Variants in MDGA2 observed in about 807,000 individuals in gnomAD.
The protein encoded by MDGA2 is MAM domain-containing glycosylphosphatidylinositol anchor protein 2.
A neutral mutation model predicts 117.8 loss-of-function variants in MDGA2; 40 were observed. That is an observed-to-expected ratio of 0.34 (90% CI 0.26 to 0.44). The LOEUF (loss-of-function observed/expected upper bound fraction) is 0.44. MDGA2 is among the 20% of genes least tolerant of loss of function. The pLI is 1.00. For synonymous variants in MDGA2, 452 were observed against 439.0 expected (o/e 1.03, Z -0.37); for missense variants, 1,123 against 1,250.6 (o/e 0.90, Z 1.54).
At chr14:46,970,191 A>G (rs908779969) in intron 8 of MDGA2, among the ~76,000 whole-genome samples, 8 of 151,960 alleles carry the variant, frequency 5.3e-5, no homozygotes, top group African/African-American at 1.9e-4. Context: ...CAGAATTAGA[A>G]AAAAACAATC....
intron 5 of MDGA2, among the ~76,000 whole-genome samples, chr14:47,121,217 A>T (rs940961202): frequency 6.6e-6 from 1 of 152,100 alleles, no homozygotes; most frequent in Non-Finnish European, 1.5e-5. Context: ...AAATATTTTT[A>T]AAAATTGTAT....
rs979661735 is a variant in MDGA2 at position 47,327,996 on chromosome 14, C to T, written c.281-26446G>A. Among the ~76,000 whole-genome samples the T allele has an allele frequency of 2.0e-5, 3 of 152,152 alleles. No individual in the cohort carries two copies. In the East Asian group the frequency reaches 5.8e-4, roughly 29 times the overall value. ...TTGCTGAATGACGTAGAGTAATGTACTCTTACACATTTTCTTTGTGTAATG... is the reference window on the plus strand; with the variant it reads ...TTGCTGAATGACGTAGAGTAATGTATTCTTACACATTTTCTTTGTGTAATG... On this transcript the variant is annotated intron_variant, in intron 1 of 16. Coordinates refer to ENST00000399232, the MANE Select transcript of MDGA2 (RefSeq NM_001113498.3).
intron 1 of MDGA2, among the ~76,000 whole-genome samples, chr14:47,335,759 T>TATATATATATATATATATATATAA (rs1555374528): frequency 6.9e-6 from 1 of 144,726 alleles, no homozygotes; most frequent in South Asian, 2.2e-4. Context: ...CATACATACA[T>TATATATATATATATATATATATAA]ACAGGATCAC....
At chr14:47,669,488 G>A (rs1898036840) in intron 1 of MDGA2, among the ~76,000 whole-genome samples, 1 of 152,118 alleles carries the variant, frequency 6.6e-6, no homozygotes, top group Non-Finnish European at 1.5e-5. Flanking sequence ...GGGAAATATA[G>A]GACATGAGCA....
intron 1 of MDGA2, among the ~76,000 whole-genome samples, chr14:47,582,615 CT>C (rs1440812408): frequency 6.6e-6 from 1 of 151,806 alleles, no homozygotes; most frequent in African/African-American, 2.4e-5. Flanking sequence ...AACATTATGG[CT>C]TCTACTTCTA....
chr14:47,481,947 G>A (rs79707782), intron 1 of MDGA2, among the ~76,000 whole-genome samples: 1 of 151,958 alleles, frequency 6.6e-6, no homozygotes, highest in East Asian at 1.9e-4. Context: ...AAAAACAGGA[G>A]GATATTGTTA....
intron 2 of MDGA2, among the ~76,000 whole-genome samples, chr14:47,294,233 C>T (rs980621370): frequency 1.3e-5 from 2 of 150,312 alleles, no homozygotes; most frequent in Non-Finnish European, 3.0e-5. Context: ...CTAGCTGGAA[C>T]TACAGGCAAA....
intron 9 of MDGA2, among the ~76,000 whole-genome samples, chr14:46,939,053 C>A (rs530672020): frequency 1.3e-5 from 2 of 152,100 alleles, no homozygotes; most frequent in African/African-American, 4.8e-5. Context: ...TTTATGGAAG[C>A]TAAAAAGGTT....
intron 14 of MDGA2, among the ~76,000 whole-genome samples, chr14:46,862,672 G>T (rs141954211): frequency 0.013 from 1,961 of 151,716 alleles, 35 homozygotes; most frequent in African/African-American, 0.045. Context: ...CATACAAATC[G>T]CATTGTTATA....
chr14:47,629,182 T>C (rs114183111), intron 1 of MDGA2, among the ~76,000 whole-genome samples: 116 of 152,346 alleles, frequency 7.6e-4, no homozygotes, highest in African/African-American at 2.5e-3. Context: ...AAAAACGGCT[T>C]ATAAATAATC....
At chr14:46,873,377 T>C in intron 14 of MDGA2, 56 bp downstream of exon 14, 3 of 1,459,710 alleles carry the variant, frequency 2.1e-6, no homozygotes, top group Non-Finnish European at 2.8e-6. Flanking sequence ...TTTATGAACC[T>C]TTTTCTTCTT....
rs148872701 is a variant in MDGA2, at chr14:47,674,744, C to G, written c.53G>C (p.Gly18Ala). Residue 18 changes from glycine (G) to alanine (A), a missense_variant, in exon 1 of 17, where the codon GGA becomes GCA. By Grantham distance (60) the Gly-to-Ala change is moderately conservative. Around this residue, in one of 2 missense-constraint regions of MDGA2, gnomAD observed 233 missense variants for 200.3 expected, o/e 1.16. Coordinates refer to ENST00000399232, the MANE Select transcript of MDGA2 (RefSeq NM_001113498.3). ...LLRSARRRRR[G>A]RTDGRRFLLR... ...GAGGAAGCGCCGTCCGTCTGTCCTT[C>G]CCCGGCGGCGGCGGCGAGCGGAGCG... 7,503 of 746,220 alleles carry G rather than the reference C, an allele frequency of 0.01. 63 individuals are homozygous for G. The highest frequency in any genetic ancestry group is 0.013 in the Non-Finnish European group (5,639 of 422,000). 46.2% of individuals were successfully genotyped at this position (746,220 alleles called of 1,614,324 possible).
intron 1 of MDGA2, among the ~76,000 whole-genome samples, chr14:47,457,089 A>G (rs1468144996): frequency 6.6e-6 from 1 of 152,206 alleles, no homozygotes; most frequent in African/African-American, 2.4e-5. Flanking sequence ...ACACACAGTC[A>G]AAAGGTCTGA....
intron 1 of MDGA2, among the ~76,000 whole-genome samples, chr14:47,403,735 G>T (rs563533979): frequency 6.6e-6 from 1 of 152,178 alleles, no homozygotes; most frequent in East Asian, 1.9e-4. Context: ...GACAAGCTAT[G>T]CCAAAATACA....
chr14:47,314,586 G>C (rs1487871514), intron 1 of MDGA2, among the ~76,000 whole-genome samples: 1 of 151,992 alleles, frequency 6.6e-6, no homozygotes, highest in Non-Finnish European at 1.5e-5. Context: ...GCTTAGGTGG[G>C]AGGGTCCCTT....
At chr14:47,571,845 G>A (rs930464089) in intron 1 of MDGA2, among the ~76,000 whole-genome samples, 1 of 152,114 alleles carries the variant, frequency 6.6e-6, no homozygotes, top group African/African-American at 2.4e-5. Flanking sequence ...ACCAGGGCAC[G>A]TGTATACCTA....
At chr14:47,238,311 G>A (rs563838801) in intron 2 of MDGA2, among the ~76,000 whole-genome samples, 2 of 152,174 alleles carry the variant, frequency 1.3e-5, no homozygotes, top group East Asian at 1.9e-4. Context: ...TAACTTTCAT[G>A]TGGGCTGAGA....
intron 3 of MDGA2, among the ~76,000 whole-genome samples, chr14:47,196,957 G>A (rs1157008257): frequency 6.6e-6 from 1 of 152,120 alleles, no homozygotes; most frequent in Non-Finnish European, 1.5e-5. Flanking sequence ...TTCAGATAAT[G>A]GCCTCCAGCT....
chr14:46,894,194 C>A (rs375734140), intron 10 of MDGA2, among the ~76,000 whole-genome samples: 2 of 151,858 alleles, frequency 1.3e-5, no homozygotes, highest in African/African-American at 4.8e-5. Context: ...ATCTTCATTT[C>A]CTCAGTTGAA....
Sources: gnomAD v4.1 joint callset for allele counts (sites outside exome capture counted in the v4.1 genomes callset) on GRCh38, gnomAD v4.1.1 for gene constraint, gnomAD v4.1.1 regional missense constraint, MANE v1.5 for transcripts, NCBI Gene and HGNC (gene_info 2026-07-23, HGNC 2026-07-21) for gene names.